SIPA1L2: variants seen among roughly 807,000 people sequenced by gnomAD.
SIPA1L2 encodes signal-induced proliferation-associated 1-like protein 2.
SIPA1L2 carries 56 observed loss-of-function variants against 163.9 expected under a neutral mutation model. The observed-to-expected ratio is 0.34, with a 90% confidence interval of 0.28 to 0.43. SIPA1L2 has a LOEUF of 0.43. Ranked by LOEUF, SIPA1L2 falls within the 20% of genes least tolerant of loss-of-function variation. The pLI, the probability that SIPA1L2 is intolerant of heterozygous loss-of-function variation, is 1.00. For synonymous variants in SIPA1L2, 877 were observed against 865.7 expected (o/e 1.01, Z -0.23); for missense variants, 1,974 against 2,193.5 (o/e 0.90, Z 2.00).
intron 1 of SIPA1L2, among the ~76,000 whole-genome samples, chr1:232,629,104 A>G (rs1050153339): frequency 3.3e-5 from 5 of 152,216 alleles, no homozygotes; most frequent in African/African-American, 1.2e-4. Flanking sequence ...ATTTAACTCA[A>G]GCAGGTTAAT....
chr1:232,492,978 G>C (rs534307119), intron 4 of SIPA1L2, among the ~76,000 whole-genome samples: 1 of 152,154 alleles, frequency 6.6e-6, no homozygotes, highest in African/African-American at 2.4e-5. Context: ...TTAGATTTGT[G>C]TCCCTGCCCA....
intron 18 of SIPA1L2, among the ~76,000 whole-genome samples, chr1:232,421,540 A>G (rs1056931441): frequency 5.3e-5 from 8 of 152,194 alleles, no homozygotes; most frequent in Non-Finnish European, 1.2e-4. Flanking sequence ...AAAAAGAGAA[A>G]GAAGTATTAC....
intron 1 of SIPA1L2, among the ~76,000 whole-genome samples, chr1:232,598,262 G>A (rs115813926): frequency 0.052 from 7,929 of 151,918 alleles, 707 homozygotes; most frequent in East Asian, 0.4. Flanking sequence ...AAAATCAGCC[G>A]GGTGTGCTGG....
chr1:232,467,360 TA>T (rs1242631845), intron 8 of SIPA1L2, among the ~76,000 whole-genome samples: 1 of 152,152 alleles, frequency 6.6e-6, no homozygotes, highest in African/African-American at 2.4e-5. Context: ...GAAAGGTCCT[TA>T]AAAACATCAC....
intron 22 of SIPA1L2, among the ~76,000 whole-genome samples, chr1:232,401,667 C>A (rs1315717457): frequency 1.3e-5 from 2 of 152,208 alleles, no homozygotes; most frequent in Non-Finnish European, 2.9e-5. Flanking sequence ...CTCCTTGTGA[C>A]TAGATCAGAA....
chr1:232,403,006 G>A (rs778284661), intron 21 of SIPA1L2, among the ~76,000 whole-genome samples: 4 of 151,892 alleles, frequency 2.6e-5, no homozygotes, highest in Non-Finnish European at 4.4e-5. Context: ...TTTCAGTGGA[G>A]GGCATGAGGC....
intron 10 of SIPA1L2, among the ~76,000 whole-genome samples, chr1:232,457,973 A>T (rs1219006465): frequency 6.6e-6 from 1 of 152,226 alleles, no homozygotes. Flanking sequence ...AAAATTTACA[A>T]ATTCAGATTC....
rs1663034906 is a variant in SIPA1L2, at chr1:232,443,629, G to C, written c.3410C>G (p.Pro1137Arg). 1 of 1,608,974 alleles carries C rather than the reference G, an allele frequency of 6.2e-7. No homozygotes were observed. The highest frequency in any genetic ancestry group is 1.3e-5 in the African/African-American group (1 of 74,808). ...SSDPGPGGSG[P>R]WRPQVGYDGC... is the part of the protein sequence containing the mutation. The stretch of plus-strand genomic sequence containing the variant: ...GTCGTAGCCCACTTGTGGTCTCCAG[G>C]GTCCGCTCCCGCCGGGTCCAGGGTC... Residue 1137 changes from proline to arginine, a missense_variant, in exon 12 of 23, where the codon CCC becomes CGC. Pro to Arg is a moderately radical substitution (Grantham distance 103). Around this residue, in one of 3 missense-constraint regions of SIPA1L2, gnomAD observed 1,079 missense variants for 1,150.7 expected, o/e 0.94. Transcript: ENST00000674635.
intron 2 of SIPA1L2, among the ~76,000 whole-genome samples, chr1:232,563,996 T>A (rs1472135152): frequency 3.6e-4 from 39 of 108,630 alleles, no homozygotes; most frequent in Admixed American, 5.6e-4. Flanking sequence ...TGTGTGTGTG[T>A]GATGGAGTTT....
Position 232,399,055 on chromosome 1 carries a change from A to G in SIPA1L2, c.*72T>C. The G allele has an allele frequency of 6.2e-7, 1 of 1,600,518 alleles. No individual in the cohort carries two copies. The highest frequency in any genetic ancestry group is 1.3e-5 in the African/African-American group (1 of 74,806). On this transcript the variant is annotated 3_prime_UTR_variant, in exon 23 of 23. Transcript: ENST00000674635. The stretch of plus-strand genomic sequence containing the variant: ...CTACGATTGGTTGAAAGCACACAGA[A>G]AAACCACATGTTTGTGACTTCAAAG...
At chr1:232,554,579 G>A (rs995763760) in intron 2 of SIPA1L2, among the ~76,000 whole-genome samples, 5 of 152,128 alleles carry the variant, frequency 3.3e-5, no homozygotes, top group African/African-American at 9.7e-5. Flanking sequence ...AACAACACTG[G>A]TGTCACGAAG....
At chr1:232,461,278 AG>A in intron 9 of SIPA1L2, 117 bp from the exon 10 acceptor site, 1 of 1,295,004 alleles carries the variant, frequency 7.7e-7, no homozygotes, top group African/African-American at 1.5e-5. Flanking sequence ...CTCGCAGCCC[AG>A]CCTGTCTCTC....
intron 22 of SIPA1L2, among the ~76,000 whole-genome samples, chr1:232,400,356 T>C (rs1028267471): frequency 3.3e-5 from 5 of 152,146 alleles, no homozygotes; most frequent in Non-Finnish European, 7.3e-5. Flanking sequence ...GCAAACCTTT[T>C]ATTGTGATCC....
intron 19 of SIPA1L2, among the ~76,000 whole-genome samples, chr1:232,404,754 A>G (rs1305100573): frequency 2.0e-5 from 3 of 152,216 alleles, no homozygotes; most frequent in African/African-American, 7.2e-5. Context: ...GCAATCCAGA[A>G]ATGCTGAATG....
At chr1:232,420,815 A>G (rs941801796) in intron 18 of SIPA1L2, among the ~76,000 whole-genome samples, 2 of 152,106 alleles carry the variant, frequency 1.3e-5, no homozygotes, top group African/African-American at 4.8e-5. Context: ...GGCCTGAGCG[A>G]AAGAGTGAGA....
At chr1:232,472,087 AATAACC>A (rs1664828827) in intron 7 of SIPA1L2, among the ~76,000 whole-genome samples, 1 of 152,254 alleles carries the variant, frequency 6.6e-6, no homozygotes, top group Admixed American at 6.5e-5. Flanking sequence ...CAACTGGATT[AATAACC>A]AGAAGCCCAA....
At chr1:232,497,888 C>G (rs903746976) in intron 3 of SIPA1L2, among the ~76,000 whole-genome samples, 3 of 152,162 alleles carry the variant, frequency 2.0e-5, no homozygotes, top group African/African-American at 7.2e-5. Flanking sequence ...GATATCATCC[C>G]AAGCTTCCTC....
intron 18 of SIPA1L2, among the ~76,000 whole-genome samples, chr1:232,417,805 C>T (rs1890314): frequency 0.049 from 7,407 of 152,256 alleles, 260 homozygotes; most frequent in Admixed American, 0.12. Context: ...AATATGGAGG[C>T]AGCAATTACT....
chr1:232,444,364 T>G (rs1298009865), intron 11 of SIPA1L2, among the ~76,000 whole-genome samples: 2 of 152,182 alleles, frequency 1.3e-5, no homozygotes, highest in Non-Finnish European at 2.9e-5. Context: ...AGGGAGGTTC[T>G]GCAGATCCCC....
Sources: allele counts gnomAD v4.1 joint callset (sites outside exome capture counted in the v4.1 genomes callset), GRCh38; gene constraint gnomAD v4.1.1; regional missense constraint gnomAD v4.1.1; transcripts MANE v1.5; gene names NCBI Gene and HGNC (gene_info 2026-07-23, HGNC 2026-07-21).